Variants in AKT3 observed in about 807,000 individuals in gnomAD.
AKT3 encodes the protein RAC-gamma serine/threonine-protein kinase.
A neutral mutation model predicts 65.3 loss-of-function variants in AKT3; 15 were observed. The ratio of observed to expected loss-of-function variants is 0.23; its 90% CI spans 0.15 to 0.35. The LOEUF is 0.35. Ranked by LOEUF, AKT3 falls within the 10% of genes least tolerant of loss-of-function variation. AKT3 has a pLI of 1.00. For synonymous variants in AKT3, 206 were observed against 183.8 expected (o/e 1.12, Z -0.98); for missense variants, 243 against 576.5 (o/e 0.42, Z 5.92).
At chr1:243,806,708 ACTAT>A (rs796114667) in intron 2 of AKT3, among the ~76,000 whole-genome samples, 22 of 152,302 alleles carry the variant, frequency 1.4e-4, no homozygotes, top group African/African-American at 5.1e-4. Flanking sequence ...GAGTTCTAAA[ACTAT>A]CTGAGAGATC....
intron 6 of AKT3, among the ~76,000 whole-genome samples, chr1:243,625,496 G>A (rs1679094241): frequency 6.6e-6 from 1 of 152,100 alleles, no homozygotes; most frequent in Non-Finnish European, 1.5e-5. Context: ...AAATCCTGAT[G>A]CTCAAAAAGC....
intron 12 of AKT3, among the ~76,000 whole-genome samples, chr1:243,523,830 G>A (rs959536688): frequency 1.3e-5 from 2 of 152,184 alleles, no homozygotes; most frequent in Non-Finnish European, 1.5e-5. Context: ...GTAAGCAACC[G>A]TTTGAAGACA....
intron 2 of AKT3, among the ~76,000 whole-genome samples, chr1:243,713,356 T>C (rs1686276621): frequency 2.0e-5 from 3 of 152,106 alleles, no homozygotes; most frequent in South Asian, 4.1e-4. Flanking sequence ...ATTAAACCCC[T>C]AAACTAATTA....
intron 2 of AKT3, among the ~76,000 whole-genome samples, chr1:243,826,963 ACTTCT>A (rs1374207278): frequency 6.6e-6 from 1 of 152,208 alleles, no homozygotes; most frequent in Non-Finnish European, 1.5e-5. Context: ...GTCCTAAATA[ACTTCT>A]CTTAACAATT....
At chr1:243,787,767 T>C (rs1271866137) in intron 2 of AKT3, among the ~76,000 whole-genome samples, 2 of 152,226 alleles carry the variant, frequency 1.3e-5, no homozygotes, top group African/African-American at 2.4e-5. Context: ...TTTCATCTTC[T>C]GGAAGAAGTC....
At chr1:243,842,859 TACA>T (rs2148476741) in intron 2 of AKT3, among the ~76,000 whole-genome samples, 1 of 152,156 alleles carries the variant, frequency 6.6e-6, no homozygotes, top group South Asian at 2.1e-4. Flanking sequence ...CACAGAAAAA[TACA>T]ACACTTTCTG....
chr1:243,610,882 A>C (rs767643072), intron 8 of AKT3, among the ~76,000 whole-genome samples: 2 of 152,208 alleles, frequency 1.3e-5, no homozygotes, highest in African/African-American at 2.4e-5. Flanking sequence ...GGGCTGTCTC[A>C]TTCTTTCAGA....
rs566093721 is a variant in AKT3, at chr1:243,544,158, C to A, written c.1251+1352G>T. 1.1e-4 allele frequency among the ~76,000 whole-genome samples: 15 copies of A among 139,940 alleles called. 1 individual carries two copies. Among genetic ancestry groups the A allele is most frequent in the Non-Finnish European group, 2.0e-4 (13 of 66,030 alleles). The allele number at this position is 139,940 out of a possible 152,430, so 91.8% of individuals were successfully genotyped here. A position where few individuals can be genotyped will look rare whatever the true frequency, so the allele number is the denominator to read the frequency against. On this transcript the variant is annotated intron_variant, in intron 12 of 13. Transcript: ENST00000673466. ...TCGGAGTAGATTATTGAATGAAAAACATTTCATAGTAAACATTTTATACAA... is the reference window on the plus strand; with the variant it reads ...TCGGAGTAGATTATTGAATGAAAAAAATTTCATAGTAAACATTTTATACAA...
intron 2 of AKT3, among the ~76,000 whole-genome samples, chr1:243,764,874 T>C (rs1689718556): frequency 6.6e-6 from 1 of 152,120 alleles, no homozygotes; most frequent in South Asian, 2.1e-4. Flanking sequence ...GTTGCAAACA[T>C]TTCAAAATTC....
chr1:243,806,956 C>T (rs537017729), intron 2 of AKT3, among the ~76,000 whole-genome samples: 18 of 152,056 alleles, frequency 1.2e-4, no homozygotes, highest in Non-Finnish European at 2.1e-4. Flanking sequence ...CCCTATAATT[C>T]ATAACGTAAA....
intron 2 of AKT3, among the ~76,000 whole-genome samples, chr1:243,839,709 T>C (rs1304995365): frequency 6.6e-6 from 1 of 152,002 alleles, no homozygotes; most frequent in Non-Finnish European, 1.5e-5. Flanking sequence ...CTTACTCACA[T>C]TAAAAGTACA....
intron 8 of AKT3, among the ~76,000 whole-genome samples, chr1:243,599,109 C>G (rs1290423235): frequency 6.6e-6 from 1 of 152,050 alleles, no homozygotes; most frequent in Non-Finnish European, 1.5e-5. Context: ...TTGTTATTAA[C>G]TCAGCAAAAC....
At position 243,502,846 on chromosome 1, in the gene AKT3, G is replaced by A. The variant is rs1669407030; in HGVS notation, c.*2403C>T. On this transcript the variant is annotated 3_prime_UTR_variant, in exon 14 of 14. Coordinates refer to ENST00000673466, the MANE Select transcript of AKT3 (RefSeq NM_005465.7). The stretch of plus-strand genomic sequence containing the variant: ...TGCCAGTCATTAATCTTTAAGAAGT[G>A]TCCTTGGCCAAGGTCATGGGAATCA... 4.3e-6 allele frequency: 1 copy of A among 233,128 alleles called. No homozygotes were observed. The highest frequency in any genetic ancestry group is 5.6e-5 in the Admixed American group (1 of 17,770). The allele number at this position is 233,128 out of a possible 1,614,324, so 14.4% of individuals were successfully genotyped here.
intron 6 of AKT3, among the ~76,000 whole-genome samples, chr1:243,634,958 A>C (rs1336920270): frequency 6.6e-6 from 1 of 151,920 alleles, no homozygotes; most frequent in Non-Finnish European, 1.5e-5. Flanking sequence ...TAAATCTAAG[A>C]CATATACACA....
chr1:243,711,178 G>A (rs536100008), intron 2 of AKT3, among the ~76,000 whole-genome samples: 1 of 152,188 alleles, frequency 6.6e-6, no homozygotes, highest in African/African-American at 2.4e-5. Context: ...AATTAGCCAG[G>A]TGTGGTGGCA....
Position 243,488,865 on chromosome 1 carries a change from G to A in AKT3, c.*7-415C>T, listed in dbSNP as rs1665673897. 3.8e-6 allele frequency: 4 copies of A among 1,057,098 alleles called. No individual in the cohort carries two copies. The Admixed American group carries it at 7.7e-5, about 20-fold the overall frequency. 65.5% of individuals were successfully genotyped at this position (1,057,098 alleles called of 1,614,324 possible). A position where few individuals can be genotyped will look rare whatever the true frequency, so the allele number is the denominator to read the frequency against. On this transcript the variant is annotated intron_variant, in intron 13 of 13. Coordinates refer to the AKT3 transcript ENST00000336199. ...TCACACAGTGCGTACCAAGGACCTA[G>A]TGCCAGCCAGAGCCTGGCACCTCAG...
chr1:243,548,782 G>A (rs1158209619), intron 11 of AKT3, among the ~76,000 whole-genome samples: 1 of 152,108 alleles, frequency 6.6e-6, no homozygotes, highest in Non-Finnish European at 1.5e-5. Flanking sequence ...GGAAGATAAA[G>A]GAGGGGCTAA....
In AKT3 at chr1:243,504,501, G is replaced by T. The variant is rs559877618; in HGVS notation, c.*748C>A. On this transcript the variant is annotated 3_prime_UTR_variant, in exon 14 of 14. Coordinates refer to ENST00000673466, the MANE Select transcript of AKT3 (RefSeq NM_005465.7). Reference sequence around the variant, plus strand: ...AATTGTTTCATAAGACCCTTTAAGTGACCTTGACTGTGCATATGCCTTCAG... The same window carrying T: ...AATTGTTTCATAAGACCCTTTAAGTTACCTTGACTGTGCATATGCCTTCAG... The T allele has an allele frequency of 3.6e-5, 7 of 193,614 alleles. No homozygotes were observed. In the South Asian group the frequency reaches 1.4e-3, roughly 37 times the overall value. The allele number at this position is 193,614 out of a possible 1,614,324, so 12.0% of individuals were successfully genotyped here.
At chr1:243,801,898 A>G (rs1258892988) in intron 2 of AKT3, among the ~76,000 whole-genome samples, 1 of 152,240 alleles carries the variant, frequency 6.6e-6, no homozygotes, top group Non-Finnish European at 1.5e-5. Context: ...AAACTGAAGA[A>G]GGCCAACCGA....
Sources: gnomAD v4.1 joint callset for allele counts (sites outside exome capture counted in the v4.1 genomes callset) on GRCh38, gnomAD v4.1.1 for gene constraint, MANE v1.5 for transcripts, NCBI Gene and HGNC (gene_info 2026-07-23, HGNC 2026-07-21) for gene names.